Variants in ARFGEF2 observed in about 807,000 individuals in gnomAD.
The protein encoded by ARFGEF2 is ARF guanine nucleotide exchange factor 2, also known as brefeldin A-inhibited guanine nucleotide-exchange protein 2.
In ARFGEF2, 74 loss-of-function variants were observed where a neutral mutation model predicts 219.9. The ratio of observed to expected loss-of-function variants is 0.34; its 90% CI spans 0.28 to 0.41. The LOEUF (loss-of-function observed/expected upper bound fraction) is 0.41, where lower values mean the gene tolerates loss of function less well. Among genes scored for constraint, ARFGEF2 ranks in the 10% least tolerant of loss-of-function variants. ARFGEF2 has a pLI of 1.00. For synonymous variants in ARFGEF2, 733 were observed against 799.2 expected, an observed-to-expected ratio of 0.92 and a Z score of 1.40; for missense variants, 1,743 against 2,218.3, an observed-to-expected ratio of 0.79 and a Z score of 4.30.
intron 8 of ARFGEF2, 108 bp from the exon 9 acceptor site, chr20:48,969,039 C>A (rs1338406452): frequency 2.7e-6 from 3 of 1,091,140 alleles, no homozygotes; most frequent in African/African-American, 3.1e-5. Context: ...TGGCTTACTG[C>A]AGCCTTGACC....
At chr20:48,961,652 T>G (rs1423155447) in intron 6 of ARFGEF2, among the ~76,000 whole-genome samples, 1 of 151,682 alleles carries the variant, frequency 6.6e-6, no homozygotes, top group Non-Finnish European at 1.5e-5. Flanking sequence ...TCACTTGAGG[T>G]CAGGAGTTTG....
At chr20:48,984,620 C>G in intron 14 of ARFGEF2, 109 bp from the exon 15 acceptor site, 1 of 1,388,162 alleles carries the variant, frequency 7.2e-7, no homozygotes, top group Non-Finnish European at 1.0e-6. Flanking sequence ...CTAGCTTATA[C>G]GTGATGGCAT....
At position 48,969,402 on chromosome 20, in the gene ARFGEF2, G is replaced by A. The variant is rs548987444; in HGVS notation, c.1190+125G>A. 59 of 1,573,948 alleles carry A rather than the reference G, an allele frequency of 3.7e-5. No homozygotes were observed. The African/African-American group carries it at 7.4e-4, about 20-fold the overall frequency. On this transcript the variant is annotated intron_variant, in intron 9 of 38. Coordinates refer to ENST00000371917, the MANE Select transcript of ARFGEF2 (RefSeq NM_006420.3). ...TGTCTCTTTGTCAGTGTAAGTGCAG[G>A]AACGGTTTTACAACTTTTCAGACTC...
In ARFGEF2 at chr20:49,008,368, G is replaced by T. The variant is rs573466953; in HGVS notation, c.3585-1864G>T. Among the ~76,000 whole-genome samples the T allele has an allele frequency of 2.6e-5, 4 of 152,156 alleles. No homozygotes were observed. In the South Asian group the frequency reaches 8.3e-4, roughly 32 times the overall value. Reference sequence around the variant, plus strand: ...ACCTGAAGTCAGGAATTCGAGACCAGCCTGGCCAACATGCTGAAACCCCGT... The same window carrying T: ...ACCTGAAGTCAGGAATTCGAGACCATCCTGGCCAACATGCTGAAACCCCGT... On this transcript the variant is annotated intron_variant, in intron 26 of 38. Transcript: ENST00000371917.
At chr20:48,937,806 A>G (rs2090968076) in intron 1 of ARFGEF2, among the ~76,000 whole-genome samples, 1 of 152,130 alleles carries the variant, frequency 6.6e-6, no homozygotes, top group Non-Finnish European at 1.5e-5. Flanking sequence ...GCTCATTCCC[A>G]TTCCAAAACC....
chr20:48,938,931 A>G (rs1051450893), intron 1 of ARFGEF2, among the ~76,000 whole-genome samples: 4 of 146,984 alleles, frequency 2.7e-5, no homozygotes, highest in Admixed American at 6.8e-5. Flanking sequence ...GGGCCTTTGT[A>G]GTTGGTGTAA....
chr20:48,989,726 G>T (rs1463153568), intron 20 of ARFGEF2, 42 bp downstream of exon 20: 1 of 1,613,018 alleles, frequency 6.2e-7, no homozygotes, highest in African/African-American at 1.3e-5. Context: ...CTGGTGGGTT[G>T]TGCTCTTTTA....
chr20:49,036,343 A>T lies in ARFGEF2; in HGVS notation c.*3144A>T. ...ATCCTTGCTCTCAAAACAAAACAAT[A>T]TAATCTATCAAAGGTGTTTTACTCA... On this transcript the variant is annotated 3_prime_UTR_variant, in exon 39 of 39. Transcript: ENST00000371917. The T allele has an allele frequency of 2.5e-6, 1 of 397,982 alleles. No homozygotes were observed. 24.7% of individuals were successfully genotyped at this position (397,982 alleles called of 1,614,324 possible).
chr20:48,963,600 G>A (rs1343092914), intron 6 of ARFGEF2, among the ~76,000 whole-genome samples: 1 of 152,176 alleles, frequency 6.6e-6, no homozygotes, highest in Admixed American at 6.6e-5. Context: ...TAAGCCAGTG[G>A]GGTTTTAGTG....
At position 48,995,855 on chromosome 20, in the gene ARFGEF2, C is replaced by T. The variant is rs369914012; in HGVS notation, c.3194C>T (p.Ser1065Leu). The T allele has an allele frequency of 5.0e-6, 8 of 1,613,998 alleles. No individual in the cohort carries two copies. Among genetic ancestry groups the T allele is most frequent in the African/African-American group, 2.7e-5 (2 of 74,916 alleles). Reference protein sequence around the residue: ...SFQESVGETSSQSVVVAVDRI... With the variant: ...SFQESVGETSLQSVVVAVDRI... ...CAAGAATCGGTTGGTGAGACCAGCT[C>T]GCAGAGTGTGGTTGTAGCTGTGGAC... Residue 1065 changes from serine (S) to leucine (L), a missense_variant, in exon 23 of 39, where the codon TCG (serine) becomes TTG (leucine). By Grantham distance (145) the Ser-to-Leu change is moderately radical. Transcript: ENST00000371917.
In ARFGEF2 at chr20:49,005,325, G is replaced by C. The variant is rs554694572; in HGVS notation, c.3584+104G>C. ...GATTAATTTTTTTCCTCCCTTGTCA[G>C]TGGAAACAAATAGAATGAATAGACT... On this transcript the variant is annotated intron_variant, in intron 26 of 38. Coordinates refer to ENST00000371917, the MANE Select transcript of ARFGEF2 (RefSeq NM_006420.3). The C allele has an allele frequency of 9.8e-5, 137 of 1,393,506 alleles. No homozygotes were observed. In the Admixed American group the frequency reaches 2.2e-3, roughly 22 times the overall value. The allele number at this position is 1,393,506 out of a possible 1,614,324, so 86.3% of individuals were successfully genotyped here.
chr20:48,946,622 C>T (rs1359671226), intron 3 of ARFGEF2, among the ~76,000 whole-genome samples: 1 of 151,968 alleles, frequency 6.6e-6, no homozygotes, highest in Admixed American at 6.6e-5. Context: ...CTTCCCCAGG[C>T]TCAGGTGATC....
chr20:48,998,720 A>G (rs1490220841), intron 25 of ARFGEF2, among the ~76,000 whole-genome samples: 1 of 152,210 alleles, frequency 6.6e-6, no homozygotes, highest in African/African-American at 2.4e-5. Context: ...GGTATTGAAA[A>G]TACTTTAATA....
At chr20:48,994,263 T>C (rs1228705036) in intron 21 of ARFGEF2, among the ~76,000 whole-genome samples, 188 bp from the exon 22 acceptor site, 1 of 152,136 alleles carries the variant, frequency 6.6e-6, no homozygotes, top group African/African-American at 2.4e-5. Context: ...AGTGACATGG[T>C]GGGAGGAATC....
At chr20:48,984,042 TAAAAA>T (rs573508007) in intron 14 of ARFGEF2, among the ~76,000 whole-genome samples, 2 of 140,544 alleles carry the variant, frequency 1.4e-5, no homozygotes, top group African/African-American at 5.2e-5. Context: ...CCCTGTCTCT[TAAAAA>T]AAAAAAAAAG....
At chr20:48,962,520 TGTGGCAAAAGCCATGAAG>T (rs1296175647) in intron 6 of ARFGEF2, among the ~76,000 whole-genome samples, 1 of 152,216 alleles carries the variant, frequency 6.6e-6, no homozygotes, top group Non-Finnish European at 1.5e-5. Context: ...GGTGCATGAA[TGTGGCAAAAGCCATGAAG>T]GTGGTTTGAG....
intron 34 of ARFGEF2, among the ~76,000 whole-genome samples, chr20:49,020,737 T>C (rs2091560448): frequency 6.6e-6 from 1 of 152,174 alleles, no homozygotes; most frequent in Non-Finnish European, 1.5e-5. Flanking sequence ...TGAGCCACCA[T>C]GCCCAGGCTC....
Position 48,927,426 on chromosome 20 carries a change from C to T in ARFGEF2, c.121+5416C>T, listed in dbSNP as rs1227893379. 5.3e-5 allele frequency among the ~76,000 whole-genome samples: 8 copies of T among 152,286 alleles called. 1 individual carries two copies. The highest frequency in any genetic ancestry group is 1.9e-4 in the East Asian group (1 of 5,192). ...TAACGTGGCGGGGCATGGTGGCTCA[C>T]GCCTGTAATCTCAGTACTTTGGGAG... On this transcript the variant is annotated intron_variant, in intron 1 of 38. Coordinates refer to ENST00000371917, the MANE Select transcript of ARFGEF2 (RefSeq NM_006420.3).
intron 14 of ARFGEF2, among the ~76,000 whole-genome samples, chr20:48,984,358 G>T (rs1253615899): frequency 6.6e-6 from 1 of 152,208 alleles, no homozygotes; most frequent in East Asian, 1.9e-4. Flanking sequence ...CTTCCTAGAA[G>T]TACCCACACC....
Sources: gnomAD v4.1 joint callset for allele counts (sites outside exome capture counted in the v4.1 genomes callset) on GRCh38, gnomAD v4.1.1 for gene constraint, MANE v1.5 for transcripts, NCBI Gene and HGNC (gene_info 2026-07-23, HGNC 2026-07-21) for gene names.